CD109: variants seen among roughly 807,000 people sequenced by gnomAD.
CD109 encodes CD109 molecule.
CD109 carries 149 observed loss-of-function variants against 165.8 expected under a neutral mutation model. The observed-to-expected ratio is 0.90, with a 90% CI of 0.79 to 1.03. The LOEUF (loss-of-function observed/expected upper bound fraction) is 1.03. Among genes scored for constraint, CD109 ranks in the 50% least tolerant of loss-of-function variants. The pLI is 0.00. For missense variants in CD109, 1,712 were observed against 1,677.8 expected, an observed-to-expected ratio of 1.02 and a Z score of -0.36; for synonymous variants, 585 against 592.1, an observed-to-expected ratio of 0.99 and a Z score of 0.18.
At chr6:73,725,214 C>T (rs1348206465) in intron 3 of CD109, among the ~76,000 whole-genome samples, 1 of 151,754 alleles carries the variant, frequency 6.6e-6, no homozygotes, top group Admixed American at 6.6e-5. Context: ...GCCCCAGTGC[C>T]TGGGCGCAGA....
chr6:73,808,279 T>G (rs1231497487), intron 26 of CD109, 31 bp downstream of exon 26: 1 of 1,581,086 alleles, frequency 6.3e-7, no homozygotes, highest in East Asian at 2.2e-5. Context: ...GAGGTTGTTA[T>G]GCTTTATGAA....
chr6:73,750,290 T>G (rs746868323), intron 5 of CD109, among the ~76,000 whole-genome samples: 1 of 152,130 alleles, frequency 6.6e-6, no homozygotes, highest in African/African-American at 2.4e-5. Flanking sequence ...ATGAGCTAGA[T>G]GTATTTGGAC....
At chr6:73,682,066 C>G in the CD109 span, among the ~76,000 whole-genome samples, 1 of 152,060 alleles carries the variant, frequency 6.6e-6, no homozygotes, top group African/African-American at 2.4e-5. Context: ...CACAGCAAAA[C>G]CATATCATTC....
intron 10 of CD109, among the ~76,000 whole-genome samples, chr6:73,765,000 G>A (rs1032385968): frequency 1.3e-5 from 2 of 152,108 alleles, no homozygotes; most frequent in African/African-American, 4.8e-5. Context: ...GTGAAACCAT[G>A]GGCGTTCAGA....
Position 73,808,235 on chromosome 6 carries a change from A to T in CD109, c.3342A>T (p.Arg1114Ser). 1 of 1,612,800 alleles carries T rather than the reference A, an allele frequency of 6.2e-7. No individual in the cohort carries two copies. Among genetic ancestry groups the T allele is most frequent in the Non-Finnish European group, 8.5e-7 (1 of 1,179,352 alleles). ...AAGCTTTGAATATGCTGACTTGGAGAGCAGAACAAGAAGGTAATGTGCTGG... is the reference window on the plus strand; with the variant it reads ...AAGCTTTGAATATGCTGACTTGGAGTGCAGAACAAGAAGGTAATGTGCTGG... ...AKEALNMLTW[R>S]AEQEGGMQFW... Residue 1114 changes from arginine (R) to serine (S), a missense_variant, in exon 26 of 33, where the codon AGA becomes AGT. Transcript: ENST00000287097.
chr6:73,712,563 G>T (rs1444846851), intron 2 of CD109, among the ~76,000 whole-genome samples: 2 of 151,974 alleles, frequency 1.3e-5, no homozygotes, highest in Non-Finnish European at 2.9e-5. Context: ...AAAGTTATTT[G>T]GTGAGGACAG....
chr6:73,736,123 A>G (rs1341188491), intron 4 of CD109, among the ~76,000 whole-genome samples: 1 of 152,134 alleles, frequency 6.6e-6, no homozygotes, highest in East Asian at 1.9e-4. Context: ...TTCATGCAGC[A>G]TTCATCCAAG....
intron 2 of CD109, among the ~76,000 whole-genome samples, chr6:73,713,929 T>C (rs1009576807): frequency 6.6e-6 from 1 of 152,142 alleles, no homozygotes; most frequent in Non-Finnish European, 1.5e-5. Flanking sequence ...TCCCCCGTCG[T>C]TCTTCATCTT....
At chr6:73,734,839 C>T (rs1772486969) in intron 4 of CD109, among the ~76,000 whole-genome samples, 1 of 152,174 alleles carries the variant, frequency 6.6e-6, no homozygotes, top group Non-Finnish European at 1.5e-5. Flanking sequence ...TGCTCTCAGT[C>T]ACAGTCTAGT....
At chr6:73,713,169 A>G (rs1431721071) in intron 2 of CD109, among the ~76,000 whole-genome samples, 1 of 152,142 alleles carries the variant, frequency 6.6e-6, no homozygotes, top group East Asian at 1.9e-4. Context: ...GTCCTATGCT[A>G]GGACTTCATA....
At chr6:73,686,265 G>A in the CD109 span, among the ~76,000 whole-genome samples, 9 of 152,312 alleles carry the variant, frequency 5.9e-5, no homozygotes, top group South Asian at 6.2e-4. Flanking sequence ...TCTCTGAGGG[G>A]ATGAGCCCTG....
intron 30 of CD109, among the ~76,000 whole-genome samples, chr6:73,817,358 C>T (rs951005101): frequency 6.6e-6 from 1 of 152,076 alleles, no homozygotes; most frequent in African/African-American, 2.4e-5. Flanking sequence ...TATGCAAACA[C>T]CTCCAGTTTC....
chr6:73,794,889 C>T (rs1349860120), intron 23 of CD109, among the ~76,000 whole-genome samples: 2 of 151,386 alleles, frequency 1.3e-5, no homozygotes, highest in South Asian at 4.2e-4. Context: ...GTGGATTGGT[C>T]GTGTTTTAAA....
At chr6:73,753,347 AATT>A (rs1291308115) in intron 5 of CD109, among the ~76,000 whole-genome samples, 3 of 152,316 alleles carry the variant, frequency 2.0e-5, no homozygotes, top group Admixed American at 6.5e-5. Context: ...TAATTCTCTG[AATT>A]ATTATTAATT....
chr6:73,693,534 T>C (rs901030139), upstream of CD109, among the ~76,000 whole-genome samples: 28 of 152,310 alleles, frequency 1.8e-4, no homozygotes, highest in African/African-American at 6.3e-4. Context: ...AATATCTTAT[T>C]GTTACATGTT....
At chr6:73,725,200 A>G (rs1772088470) in intron 3 of CD109, among the ~76,000 whole-genome samples, 1 of 152,148 alleles carries the variant, frequency 6.6e-6, no homozygotes, top group African/African-American at 2.4e-5. Flanking sequence ...AACATTAGAT[A>G]CTGGCCCCAG....
intron 2 of CD109, 109 bp from the exon 3 acceptor site, chr6:73,723,142 A>T: frequency 6.3e-7 from 1 of 1,575,164 alleles, no homozygotes; most frequent in Non-Finnish European, 8.5e-7. Flanking sequence ...AAATGTATTT[A>T]TGATTCCACC....
intron 26 of CD109, 85 bp from the exon 27 acceptor site, chr6:73,809,899 C>T (rs754431848): frequency 8.8e-6 from 9 of 1,019,934 alleles, no homozygotes; most frequent in East Asian, 2.8e-5. Flanking sequence ...TTAAGTACAA[C>T]TTGGACCAGA....
Position 73,716,551 on chromosome 6 carries a change from C to A in CD109, c.248-6700C>A, listed in dbSNP as rs146350693. On this transcript the variant is annotated intron_variant, in intron 2 of 32. Transcript: ENST00000287097. ...ATCAATGGTGTTGAGAGGGCCTTTTCATATACCTGTTTGCCATTTGTATGT... is the reference window on the plus strand; with the variant it reads ...ATCAATGGTGTTGAGAGGGCCTTTTAATATACCTGTTTGCCATTTGTATGT... Among the ~76,000 whole-genome samples the A allele has an allele frequency of 2.4e-3, 373 of 152,274 alleles. 5 individuals carry two copies. The highest frequency in any genetic ancestry group is 8.6e-3 in the African/African-American group (356 of 41,552).
Sources: allele counts gnomAD v4.1 joint callset (sites outside exome capture counted in the v4.1 genomes callset), GRCh38; gene constraint gnomAD v4.1.1; transcripts MANE v1.5; gene names NCBI Gene and HGNC (gene_info 2026-07-23, HGNC 2026-07-21).